FHIP1A: variants seen among roughly 807,000 people sequenced by gnomAD.
FHIP1A encodes the protein FHF complex subunit HOOK interacting protein 1A.
A neutral mutation model predicts 88.6 loss-of-function variants in FHIP1A; 61 were observed. That is an observed-to-expected ratio of 0.69 (90% CI 0.56 to 0.85). The LOEUF is 0.85. FHIP1A is among the 40% of genes least tolerant of loss of function. FHIP1A has a pLI of 0.00. For synonymous variants in FHIP1A, 478 were observed against 496.0 expected (o/e 0.96, Z 0.48); for missense variants, 1,154 against 1,273.5 (o/e 0.91, Z 1.43).
rs1290101566 is a variant in FHIP1A, at chr4:151,552,689, G to T, written c.-122-13449G>T. ...GGGGCCTGTTGTCGGGTGGGAGGAT[G>T]GGGGAGGGATAGCATTAGGAGAAAT... is the stretch of plus-strand genomic sequence containing the variant. On this transcript the variant is annotated intron_variant, in intron 3 of 13. Transcript: ENST00000435205. 2.0e-5 allele frequency among the ~76,000 whole-genome samples: 3 copies of T among 152,140 alleles called. No homozygotes were observed. In the South Asian group the frequency reaches 6.2e-4, roughly 32 times the overall value.
chr4:151,455,569 AC>A (rs1307081279), intron 2 of FHIP1A, among the ~76,000 whole-genome samples: 1 of 151,956 alleles, frequency 6.6e-6, no homozygotes, highest in Non-Finnish European at 1.5e-5. Flanking sequence ...GGTGTGGCCC[AC>A]CCCCCAGGTC....
At chr4:151,580,384 T>C (rs1326624674) in intron 5 of FHIP1A, among the ~76,000 whole-genome samples, 4 of 152,234 alleles carry the variant, frequency 2.6e-5, no homozygotes, top group African/African-American at 4.8e-5. Flanking sequence ...TATGTACTTA[T>C]TGCATTACAG....
At chr4:151,520,814 A>G (rs1184393940) in intron 3 of FHIP1A, among the ~76,000 whole-genome samples, 1 of 152,196 alleles carries the variant, frequency 6.6e-6, no homozygotes, top group Non-Finnish European at 1.5e-5. Context: ...CTATTATACT[A>G]GTAACTAAAA....
chr4:151,599,790 G>C (rs919202755), intron 7 of FHIP1A, among the ~76,000 whole-genome samples: 2 of 152,230 alleles, frequency 1.3e-5, no homozygotes, highest in Admixed American at 6.5e-5. Flanking sequence ...TAACGTGGTA[G>C]ATGGATTTCC....
chr4:151,540,770 T>C (rs1732253851), intron 3 of FHIP1A, among the ~76,000 whole-genome samples: 1 of 152,168 alleles, frequency 6.6e-6, no homozygotes, highest in Admixed American at 6.5e-5. Flanking sequence ...TGTTTTGCTC[T>C]CCTGAGTCAG....
intron 13 of FHIP1A, among the ~76,000 whole-genome samples, chr4:151,658,587 C>T (rs1737337541): frequency 6.6e-6 from 1 of 152,156 alleles, no homozygotes; most frequent in Admixed American, 6.5e-5. Flanking sequence ...ACGTAAGGTC[C>T]ATTCTGCAGC....
chr4:151,589,077 A>G (rs973269667), intron 7 of FHIP1A, among the ~76,000 whole-genome samples, 151 bp downstream of exon 7: 2 of 152,208 alleles, frequency 1.3e-5, no homozygotes, highest in South Asian at 2.1e-4. Context: ...AAACACAGGT[A>G]TTAAAATGGC....
At chr4:151,501,968 T>C (rs959401061) in intron 3 of FHIP1A, among the ~76,000 whole-genome samples, 2 of 151,814 alleles carry the variant, frequency 1.3e-5, no homozygotes, top group Non-Finnish European at 2.9e-5. Context: ...TTAGACTTAC[T>C]AGACAAAGAC....
At chr4:151,467,956 G>A (rs11732639) in intron 2 of FHIP1A, among the ~76,000 whole-genome samples, 56,089 of 147,524 alleles carry the variant, frequency 0.38, 10,918 homozygotes, top group Non-Finnish European at 0.43. Context: ...TGTAACAAAC[G>A]CTCACGTTCT....
At chr4:151,606,878 G>C (rs1364623517) in intron 7 of FHIP1A, among the ~76,000 whole-genome samples, 1 of 152,166 alleles carries the variant, frequency 6.6e-6, no homozygotes, top group African/African-American at 2.4e-5. Context: ...ACAGACTGCT[G>C]GTCTGGTAAG....
At chr4:151,522,623 A>G (rs1398234014) in intron 3 of FHIP1A, among the ~76,000 whole-genome samples, 1 of 152,268 alleles carries the variant, frequency 6.6e-6, no homozygotes, top group Non-Finnish European at 1.5e-5. Context: ...GAAGTGGAAC[A>G]GAAGAAAAAC....
At chr4:151,417,013 C>T (rs1007560201) in intron 1 of FHIP1A, among the ~76,000 whole-genome samples, 8 of 152,082 alleles carry the variant, frequency 5.3e-5, no homozygotes, top group Non-Finnish European at 8.8e-5. Flanking sequence ...TTAAACTCCC[C>T]GGCCCAAGAG....
intron 3 of FHIP1A, among the ~76,000 whole-genome samples, chr4:151,565,270 G>T (rs767136118): frequency 1.3e-5 from 2 of 152,018 alleles, no homozygotes; most frequent in Admixed American, 6.6e-5. Flanking sequence ...TACTGCTTTC[G>T]TCAGTGCCAC....
Position 151,670,208 on chromosome 4 carries a change from C to T in FHIP1A, c.*7454C>T, listed in dbSNP as rs1156467308. The T allele has an allele frequency of 6.6e-6, 1 of 152,180 alleles. No homozygotes were observed. Among genetic ancestry groups the T allele is most frequent in the Admixed American group, 6.5e-5 (1 of 15,286 alleles). The allele number at this position is 152,180 out of a possible 1,614,324, so 9.4% of individuals were successfully genotyped here. A position where few individuals can be genotyped will look rare whatever the true frequency, so the allele number is the denominator to read the frequency against. ...AGGTGCTCCGGTGCAGTGGAGAGAA[C>T]AGTATTAGTGTCGCAAGCACAGGAG... On this transcript the variant is annotated 3_prime_UTR_variant, in exon 14 of 14. Transcript: ENST00000435205.
chr4:151,554,219 A>T (rs937225971), intron 3 of FHIP1A, among the ~76,000 whole-genome samples: 3 of 152,180 alleles, frequency 2.0e-5, no homozygotes, highest in Non-Finnish European at 4.4e-5. Context: ...CCTGGCACAG[A>T]GTAAGTGCCC....
intron 5 of FHIP1A, 40 bp from the exon 6 acceptor site, chr4:151,586,601 T>G: frequency 6.6e-7 from 1 of 1,509,192 alleles, no homozygotes; most frequent in African/African-American, 1.4e-5. Flanking sequence ...GGTTGAGAAC[T>G]TTGGAAAAGC....
At chr4:151,554,773 A>G (rs926414088) in intron 3 of FHIP1A, among the ~76,000 whole-genome samples, 1 of 152,212 alleles carries the variant, frequency 6.6e-6, no homozygotes, top group Admixed American at 6.5e-5. Flanking sequence ...TGTTAAAAGC[A>G]TGCAGTTTCT....
intron 1 of FHIP1A, among the ~76,000 whole-genome samples, chr4:151,416,750 A>G (rs1200072064): frequency 6.6e-6 from 1 of 151,862 alleles, no homozygotes; most frequent in Non-Finnish European, 1.5e-5. Context: ...TCATATTTTG[A>G]TCTTTTCTGT....
chr4:151,623,460 A>G (rs1056633751), intron 7 of FHIP1A, among the ~76,000 whole-genome samples: 2 of 150,344 alleles, frequency 1.3e-5, no homozygotes, highest in African/African-American at 4.9e-5. Flanking sequence ...ACCCCCGAAA[A>G]TATGTACAGA....
Sources: gnomAD v4.1 joint callset for allele counts (sites outside exome capture counted in the v4.1 genomes callset) on GRCh38, gnomAD v4.1.1 for gene constraint, MANE v1.5 for transcripts, NCBI Gene and HGNC (gene_info 2026-07-23, HGNC 2026-07-21) for gene names.